The following DLGAP3 variants were observed in gnomAD, a reference collection of about 807,000 sequenced individuals.
The protein encoded by DLGAP3 is DLG associated protein 3.
In DLGAP3, 17 loss-of-function variants were observed where a neutral mutation model predicts 81.2. The observed-to-expected ratio is 0.21, with a 90% CI of 0.14 to 0.31. DLGAP3 has a LOEUF of 0.31. DLGAP3 is among the 10% of genes least tolerant of loss of function. The pLI, the probability that DLGAP3 is intolerant of heterozygous loss-of-function variation, is 1.00. For synonymous variants in DLGAP3, 577 were observed against 587.4 expected, an observed-to-expected ratio of 0.98 and a Z score of 0.26; for missense variants, 1,124 against 1,388.0, an observed-to-expected ratio of 0.81 and a Z score of 3.02.
rs965214192 is a variant in DLGAP3 at position 34,895,708 on chromosome 1, T to C, written c.1386+3961A>G. Among the ~76,000 whole-genome samples, 3 of 152,070 alleles carry C rather than the reference T, an allele frequency of 2.0e-5. No homozygotes were observed. The highest frequency in any genetic ancestry group is 2.9e-5 in the Non-Finnish European group (2 of 68,022). On this transcript the variant is annotated intron_variant, in intron 5 of 11. Coordinates refer to ENST00000373347, the MANE Select transcript of DLGAP3 (RefSeq NM_001080418.3). This position sits in a 1 kb window ranked among gnomAD's most constrained non-coding sequence, Gnocchi z 4.5. ...ACACAGTTACAGCAATCAAAGCATG[T>C]GGTAATAGCATAAAGATAGGTTCAA...
At chr1:34,922,888 T>A (rs1224256993) in intron 1 of DLGAP3, among the ~76,000 whole-genome samples, 1 of 152,130 alleles carries the variant, frequency 6.6e-6, no homozygotes, top group Non-Finnish European at 1.5e-5. Flanking sequence ...GTTGTTCCTG[T>A]TATCAATGAG....
intron 1 of DLGAP3, among the ~76,000 whole-genome samples, chr1:34,918,215 C>A (rs1304532172): frequency 1.3e-5 from 2 of 152,232 alleles, no homozygotes; most frequent in Non-Finnish European, 2.9e-5. Context: ...GGGAAGACAG[C>A]CTGCCACCAT....
chr1:34,868,399 C>T lies in DLGAP3; in HGVS notation c.2485+206G>A, dbSNP rs956553470. ...CCCAGCCCTGGCCTCTAAAGCTGCA[C>T]CATGTGCACCCTGCTCCCTTTCAAG... On this transcript the variant is annotated intron_variant, in intron 9 of 11. Transcript: ENST00000373347. This position sits in a 1 kb window ranked among gnomAD's most constrained non-coding sequence, Gnocchi z 7.5. Among the ~76,000 whole-genome samples the T allele has an allele frequency of 6.6e-6, 1 of 152,202 alleles. No homozygotes were observed.
At chr1:34,878,831 G>T (rs1222749182) in intron 8 of DLGAP3, among the ~76,000 whole-genome samples, 1 of 152,164 alleles carries the variant, frequency 6.6e-6, no homozygotes, top group Non-Finnish European at 1.5e-5. Context: ...AGCACTTTGG[G>T]AGGCCGAGGC....
Position 34,867,663 on chromosome 1 carries a change from T to C in DLGAP3, c.2486-36A>G, listed in dbSNP as rs750746536. On this transcript the variant is annotated intron_variant, in intron 9 of 11. Coordinates refer to ENST00000373347, the MANE Select transcript of DLGAP3 (RefSeq NM_001080418.3). The surrounding 1 kb of genome is among the most constrained non-coding windows in gnomAD (Gnocchi z 4.3). ...GAAGGAAATTCAGGGAGGGAAATGA[T>C]GCATCTCCTTCCCCAGCCTCCACGA... 1 of 1,514,536 alleles carries C rather than the reference T, an allele frequency of 6.6e-7. No homozygotes were observed. Among genetic ancestry groups the C allele is most frequent in the South Asian group, 1.1e-5 (1 of 89,056 alleles). 93.8% of individuals were successfully genotyped at this position (1,514,536 alleles called of 1,614,324 possible).
intron 1 of DLGAP3, among the ~76,000 whole-genome samples, chr1:34,917,592 T>A (rs1481240076): frequency 6.6e-6 from 1 of 152,152 alleles, no homozygotes; most frequent in African/African-American, 2.4e-5. Flanking sequence ...GTGATCCTCC[T>A]GCCTCGGCCT....
At chr1:34,883,015 G>C (rs1169003615) in intron 8 of DLGAP3, among the ~76,000 whole-genome samples, 1 of 152,142 alleles carries the variant, frequency 6.6e-6, no homozygotes, top group Non-Finnish European at 1.5e-5. Context: ...TCAAGTCTCA[G>C]CTTAAATGTC....
chr1:34,875,898 C>T (rs796865641), intron 8 of DLGAP3, among the ~76,000 whole-genome samples: 53 of 152,380 alleles, frequency 3.5e-4, no homozygotes, highest in African/African-American at 1.1e-3. Context: ...TGTCACTTCC[C>T]AGGGAAGCCA....
intron 1 of DLGAP3, among the ~76,000 whole-genome samples, chr1:34,917,411 T>C (rs991457564): frequency 6.7e-6 from 1 of 150,130 alleles, no homozygotes; most frequent in Non-Finnish European, 1.5e-5. Context: ...GCAGTGGCAC[T>C]GTCATGGCTC....
chr1:34,904,760 T>C lies in DLGAP3; in HGVS notation c.624A>G (p.Gly208=). The C allele has an allele frequency of 6.2e-7, 1 of 1,611,308 alleles. No individual in the cohort carries two copies. The highest frequency in any genetic ancestry group is 8.5e-7 in the Non-Finnish European group (1 of 1,179,982). The change falls in exon 3 of 12, where the codon GGA becomes GGG. Residue 208 remains glycine, a synonymous_variant. Coordinates refer to ENST00000373347, the MANE Select transcript of DLGAP3 (RefSeq NM_001080418.3). The surrounding 1 kb of genome is among the most constrained non-coding windows in gnomAD (Gnocchi z 8.1). ...CAGAGCCCGGGCCGGGGTAGCTGTC[T>C]CCTCCAGAGCCACCTCTTCCCTCAG... ...PKAEGRGGSG[G]DSYPGPGSGG... is the part of the protein sequence containing the mutation.
chr1:34,926,352 C>G (rs1035174406), intron 1 of DLGAP3, among the ~76,000 whole-genome samples: 1 of 152,178 alleles, frequency 6.6e-6, no homozygotes, highest in Non-Finnish European at 1.5e-5. Context: ...GCTGGCACCT[C>G]GTTACCATAA....
intron 5 of DLGAP3, among the ~76,000 whole-genome samples, chr1:34,890,275 A>G (rs149465121): frequency 7.5e-4 from 114 of 152,362 alleles, no homozygotes; most frequent in African/African-American, 2.5e-3. Context: ...CAACTGCAAA[A>G]TATTTCCTGG....
intron 5 of DLGAP3, among the ~76,000 whole-genome samples, 188 bp from the exon 6 acceptor site, chr1:34,886,473 T>C (rs61776349): frequency 0.15 from 23,313 of 151,988 alleles, 2,039 homozygotes; most frequent in African/African-American, 0.22. Flanking sequence ...CCCACTCTGC[T>C]CCCAAGGCTT....
chr1:34,912,681 T>G (rs1160931527), intron 1 of DLGAP3, among the ~76,000 whole-genome samples: 2 of 152,178 alleles, frequency 1.3e-5, no homozygotes, highest in African/African-American at 4.8e-5. Context: ...TGATAAGCCA[T>G]GTGTGTCCCT....
intron 2 of DLGAP3, 88 bp downstream of exon 2, chr1:34,907,267 G>A (rs1303896217): frequency 2.0e-5 from 3 of 152,566 alleles, no homozygotes; most frequent in African/African-American, 4.8e-5. Flanking sequence ...GTAAGTGGAT[G>A]AGTCACTTTG....
At chr1:34,912,115 A>G (rs533516091) in intron 1 of DLGAP3, among the ~76,000 whole-genome samples, 2 of 152,348 alleles carry the variant, frequency 1.3e-5, no homozygotes, top group South Asian at 4.1e-4. Context: ...TAAAGGTATG[A>G]ATGATGTAAG....
rs1198478118 is a variant in DLGAP3 at position 34,902,392 on chromosome 1, TA to T, written c.1107+1884del. ...TGGGAAACAAAGAGATGAGGCTCCA[TA>T]AAGAAACAGGGGCTCAGAGTGGACA... On this transcript the variant is annotated intron_variant, in intron 3 of 11. Coordinates refer to ENST00000373347, the MANE Select transcript of DLGAP3 (RefSeq NM_001080418.3). The surrounding 1 kb of genome is among the most constrained non-coding windows in gnomAD (Gnocchi z 4.4). Among the ~76,000 whole-genome samples, 1 of 151,988 alleles carries T rather than the reference TA, an allele frequency of 6.6e-6. No homozygotes were observed. Among genetic ancestry groups the T allele is most frequent in the African/African-American group, 2.4e-5 (1 of 41,384 alleles).
At chr1:34,911,030 C>CG (rs1553124129) in intron 1 of DLGAP3, among the ~76,000 whole-genome samples, 1 of 150,644 alleles carries the variant, frequency 6.6e-6, no homozygotes, top group Non-Finnish European at 1.5e-5. Context: ...CCACCCCCCC[C>CG]CCACCACCTT....
In DLGAP3 at chr1:34,905,130, C is replaced by A. The variant is rs779892833; in HGVS notation, c.254G>T (p.Gly85Val). The A allele has an allele frequency of 9.0e-6, 14 of 1,549,840 alleles. No individual in the cohort carries two copies. Among genetic ancestry groups the A allele is most frequent in the South Asian group, 4.8e-5 (4 of 84,054 alleles). ...GTACATCCTGGGGAAGGTGCTGCTACCCCCCCCAACCCCGGCCCCCGCTGG... is the reference window on the plus strand; with the variant it reads ...GTACATCCTGGGGAAGGTGCTGCTAACCCCCCCAACCCCGGCCCCCGCTGG... ...GGPAGAGVGG[G>V]SSTFPRMYPG... Residue 85 changes from glycine (G) to valine (V), a missense_variant, in exon 3 of 12, where the codon GGT becomes GTT. Coordinates refer to ENST00000373347, the MANE Select transcript of DLGAP3 (RefSeq NM_001080418.3).
Sources: gnomAD v4.1 joint callset for allele counts (sites outside exome capture counted in the v4.1 genomes callset) on GRCh38, gnomAD v4.1.1 for gene constraint, Gnocchi (gnomAD v3.1) non-coding constraint, MANE v1.5 for transcripts, NCBI Gene and HGNC (gene_info 2026-07-23, HGNC 2026-07-21) for gene names.